Variants in EHMT2 observed in about 807,000 individuals in gnomAD.
EHMT2 encodes histone-lysine N-methyltransferase EHMT2.
Under a neutral mutation model 143.3 loss-of-function variants are expected in EHMT2, and 59 were observed. The ratio of observed to expected loss-of-function variants is 0.41; its 90% CI spans 0.33 to 0.51. The LOEUF is 0.51. Among genes scored for constraint, EHMT2 ranks in the 20% least tolerant of loss-of-function variants. The probability of loss-of-function intolerance (pLI) is 0.18; values close to 1 mark genes in which losing one functional copy is unlikely to be tolerated. For synonymous variants in EHMT2, 604 were observed against 651.5 expected, an observed-to-expected ratio of 0.93 and a Z score of 1.11; for missense variants, 1,174 against 1,645.9, an observed-to-expected ratio of 0.71 and a Z score of 4.96.
rs546920767 is a variant in EHMT2 at position 31,886,706 on chromosome 6, G to A, written c.2242-24C>T. On this transcript the variant is annotated intron_variant, in intron 17 of 27. Coordinates refer to ENST00000375537, the Ensembl canonical transcript of EHMT2. ...TCCTGAGGGAGACACGGGCAAATGA[G>A]CCTTTGGGCTGGCACCCCAAACCTG... is the stretch of plus-strand genomic sequence containing the variant. 70 of 1,613,990 alleles carry A rather than the reference G, an allele frequency of 4.3e-5. 2 individuals are homozygous for A. The Middle Eastern group carries it at 1.2e-3, about 27-fold the overall frequency.
rs199922790 is a variant in EHMT2, at chr6:31,883,866, G to A, written c.2856C>T (p.Tyr952=). ...TGGACGTCTCGCAGTTCTCTGAGATGTACTTGTAATCCTCAGGGCAGGGCT... is the reference window on the plus strand; with the variant it reads ...TGGACGTCTCGCAGTTCTCTGAGATATACTTGTAATCCTCAGGGCAGGGCT... Residue 952 remains tyrosine, a synonymous_variant, in exon 22 of 28, where the codon TAC becomes TAT. Coordinates refer to ENST00000375537, the Ensembl canonical transcript of EHMT2. The surrounding 1 kb of genome is among the most constrained non-coding windows in gnomAD (Gnocchi z 5.6). 276 of 1,614,050 alleles carry A rather than the reference G, an allele frequency of 1.7e-4. 1 individual carries two copies. The East Asian group carries it at 5.3e-3, about 31-fold the overall frequency.
chr6:31,882,548 G>T, intron 25 of EHMT2, 151 bp downstream of exon 25: 2 of 769,620 alleles, frequency 2.6e-6, no homozygotes, highest in Non-Finnish European at 4.3e-6. Flanking sequence ...CTGCTCAGCT[G>T]CAGGAATAGG....
intron 14 of EHMT2, 22 bp from the exon 15 acceptor site, chr6:31,887,681 G>C (rs368874100): frequency 1.2e-6 from 2 of 1,611,138 alleles, no homozygotes; most frequent in South Asian, 1.1e-5. Flanking sequence ...GCACGGGAGC[G>C]GGGAGAGAAG....
At position 31,883,974 on chromosome 6, in the gene EHMT2, C is replaced by T. The variant is rs1487915097; in HGVS notation, c.2772-24G>A. Reference sequence around the variant, plus strand: ...CCCTGCAGAAGACGGGAAGAAGGGGCTGGGAAGCTGGAAAAGGGGGTGAGG... The same window carrying T: ...CCCTGCAGAAGACGGGAAGAAGGGGTTGGGAAGCTGGAAAAGGGGGTGAGG... On this transcript the variant is annotated intron_variant, in intron 21 of 27. Coordinates refer to ENST00000375537, the Ensembl canonical transcript of EHMT2. This position sits in a 1 kb window ranked among gnomAD's most constrained non-coding sequence, Gnocchi z 5.6. The T allele has an allele frequency of 1.2e-6, 2 of 1,609,288 alleles. No homozygotes were observed. The highest frequency in any genetic ancestry group is 1.7e-6 in the Non-Finnish European group (2 of 1,176,980).
At position 31,889,861 on chromosome 6, in the gene EHMT2, G is replaced by A. The variant is rs1361138307; in HGVS notation, c.865-259C>T. 2.0e-5 allele frequency among the ~76,000 whole-genome samples: 3 copies of A among 152,158 alleles called. No homozygotes were observed. The highest frequency in any genetic ancestry group is 7.2e-5 in the African/African-American group (3 of 41,430). Reference sequence around the variant, plus strand: ...GTTAAAAAACAAAAAGCAAGTACCAGAAGATAAACATACTTTGATACCCCT... The same window carrying A: ...GTTAAAAAACAAAAAGCAAGTACCAAAAGATAAACATACTTTGATACCCCT... On this transcript the variant is annotated intron_variant, in intron 7 of 27. Transcript: ENST00000375537. This position sits in a 1 kb window ranked among gnomAD's most constrained non-coding sequence, Gnocchi z 5.1.
chr6:31,880,120 C>T lies in EHMT2; in HGVS notation c.3597G>A (p.Leu1199=), dbSNP rs549933212. The stretch of plus-strand genomic sequence containing the variant: ...CAGGGGGCAGGGAGCCGAGCTCGGG[C>T]AGCAGCTCAGGGTGTGGGTCCAGGC... Residue 1199 remains leucine, a synonymous_variant, in exon 28 of 28, where the codon CTG becomes CTA. Transcript: ENST00000375537. This position sits in a 1 kb window ranked among gnomAD's most constrained non-coding sequence, Gnocchi z 6.6. 6.2e-7 allele frequency: 1 copy of T among 1,612,878 alleles called. No homozygotes were observed. Among genetic ancestry groups the T allele is most frequent in the Admixed American group, 1.7e-5 (1 of 60,008 alleles).
At position 31,880,467 on chromosome 6, in the gene EHMT2, C is replaced by T; in HGVS notation, c.3453-203G>A. On this transcript the variant is annotated intron_variant, in intron 27 of 27. Coordinates refer to ENST00000375537, the Ensembl canonical transcript of EHMT2. The surrounding 1 kb of genome is among the most constrained non-coding windows in gnomAD (Gnocchi z 6.6). ...TTTTAGAAATGCAGAATCCTGGGCC[C>T]CATCCCAAGCCTACTGATTCAAAAT... The T allele has an allele frequency of 1.2e-6, 1 of 824,046 alleles. No homozygotes were observed. Among genetic ancestry groups the T allele is most frequent in the Non-Finnish European group, 1.8e-6 (1 of 541,482 alleles). 51.0% of individuals were successfully genotyped at this position (824,046 alleles called of 1,614,324 possible). A position where few individuals can be genotyped will look rare whatever the true frequency, so the allele number is the denominator to read the frequency against.
chr6:31,897,304 G>C (rs1581977167), intron 1 of EHMT2: 1 of 586,376 alleles, frequency 1.7e-6, no homozygotes, highest in Non-Finnish European at 2.3e-6. Flanking sequence ...TTGTCCCCCA[G>C]GCCGCGGGGA....
intron 4 of EHMT2, chr6:31,895,463 T>C (rs1562518096): frequency 6.6e-6 from 1 of 152,136 alleles, no homozygotes; most frequent in Non-Finnish European, 1.5e-5. Context: ...CTGTTTTTTT[T>C]CAATATCTTC....
In EHMT2 at chr6:31,888,980, G is replaced by C; in HGVS notation, c.1205C>G (p.Pro402Arg). The C allele has an allele frequency of 1.9e-6, 3 of 1,599,756 alleles. No homozygotes were observed. Among genetic ancestry groups the C allele is most frequent in the Non-Finnish European group, 1.7e-6 (2 of 1,175,172 alleles). Residue 402 changes from proline to arginine, a missense_variant, in exon 10 of 28, where the codon CCC (proline) becomes CGC (arginine). Around this residue, in one of 6 missense-constraint regions of EHMT2, gnomAD observed 608 missense variants for 903.7 expected, o/e 0.67. Transcript: ENST00000375537. This position sits in a 1 kb window ranked among gnomAD's most constrained non-coding sequence, Gnocchi z 7.4. ...CAATTGGCAATTACCAGCGTGGTTG[G>C]GGGAGAGGGTCCCCTCGCTGGGCAG...
At chr6:31,886,807 T>G in exon 17 of EHMT2, 1 of 1,614,246 alleles carries the variant, frequency 6.2e-7, no homozygotes, top group Non-Finnish European at 8.5e-7. Context: ...CGCTGCACCA[T>G]GTAACGGGCT....
In EHMT2 at chr6:31,889,703, G is replaced by A; in HGVS notation, c.865-101C>T. On this transcript the variant is annotated intron_variant, in intron 7 of 27. Transcript: ENST00000375537. This position sits in a 1 kb window ranked among gnomAD's most constrained non-coding sequence, Gnocchi z 5.1. ...CCATTGCCCCCCGCCACTACCCACGGATGGCTGCTGGGGATAAGTGTGGGT... is the reference window on the plus strand; with the variant it reads ...CCATTGCCCCCCGCCACTACCCACGAATGGCTGCTGGGGATAAGTGTGGGT... 6.9e-7 allele frequency: 1 copy of A among 1,458,710 alleles called. No homozygotes were observed. The highest frequency in any genetic ancestry group is 9.4e-7 in the Non-Finnish European group (1 of 1,058,810). The allele number at this position is 1,458,710 out of a possible 1,614,324, so 90.4% of individuals were successfully genotyped here.
chr6:31,881,240 G>C lies in EHMT2; in HGVS notation c.3198-148C>G. On this transcript the variant is annotated intron_variant, in intron 25 of 27. Transcript: ENST00000375537. The surrounding 1 kb of genome is among the most constrained non-coding windows in gnomAD (Gnocchi z 4.8). ...GGGAAGGCCTGGAGCAGCAGTGGTG[G>C]GCAAGTGAAAGGGCAGCATTCCAGC... 1 of 720,462 alleles carries C rather than the reference G, an allele frequency of 1.4e-6. No individual in the cohort carries two copies. The highest frequency in any genetic ancestry group is 2.0e-5 in the Admixed American group (1 of 49,188). 44.6% of individuals were successfully genotyped at this position (720,462 alleles called of 1,614,324 possible). A position where few individuals can be genotyped will look rare whatever the true frequency, so the allele number is the denominator to read the frequency against.
chr6:31,883,158 T>C lies in EHMT2; in HGVS notation c.2995-149A>G. 2.3e-6 allele frequency: 2 copies of C among 858,692 alleles called. No homozygotes were observed. The highest frequency in any genetic ancestry group is 3.7e-6 in the Non-Finnish European group (2 of 535,002). The allele number at this position is 858,692 out of a possible 1,614,324, so 53.2% of individuals were successfully genotyped here. On this transcript the variant is annotated intron_variant, in intron 23 of 27. Coordinates refer to ENST00000375537, the Ensembl canonical transcript of EHMT2. This position sits in a 1 kb window ranked among gnomAD's most constrained non-coding sequence, Gnocchi z 5.6. ...TCCGAGAGCACGAAATGCAGGAGCA[T>C]CATCCCTGGTTTGCATAGACCTGGG...
In EHMT2 at chr6:31,881,104, G is replaced by C. The variant is rs1312786675; in HGVS notation, c.3198-12C>G. 1.2e-6 allele frequency: 2 copies of C among 1,611,760 alleles called. No homozygotes were observed. The highest frequency in any genetic ancestry group is 1.7e-6 in the Non-Finnish European group (2 of 1,178,956). On this transcript the variant is annotated splice_polypyrimidine_tract_variant and intron_variant, in intron 25 of 27. Transcript: ENST00000375537. The surrounding 1 kb of genome is among the most constrained non-coding windows in gnomAD (Gnocchi z 4.8). ...GCTCCCCGACATACCTGTGGGACAG[G>C]AATCCATGGTTCTGAAGGTGAGTGT...
intron 7 of EHMT2, among the ~76,000 whole-genome samples, chr6:31,890,535 G>A (rs1765546949): frequency 6.8e-6 from 1 of 146,834 alleles, no homozygotes; most frequent in East Asian, 2.2e-4. Context: ...ACAGGCGTGA[G>A]CCACCACGCC....
In EHMT2 at chr6:31,888,331, C is replaced by A; in HGVS notation, c.1509+32G>T. On this transcript the variant is annotated intron_variant, in intron 12 of 27. Transcript: ENST00000375537. This position sits in a 1 kb window ranked among gnomAD's most constrained non-coding sequence, Gnocchi z 7.4. ...TACTGGGGCCCCCTCTGCCACAGGG[C>A]ATGCTACCTGTCTGCCCCACTGGTC... The A allele has an allele frequency of 1.2e-6, 2 of 1,611,590 alleles. No homozygotes were observed. Among genetic ancestry groups the A allele is most frequent in the Non-Finnish European group, 1.7e-6 (2 of 1,179,166 alleles).
chr6:31,893,323 G>T (rs772925891), intron 4 of EHMT2: 2 of 444,374 alleles, frequency 4.5e-6, no homozygotes, highest in South Asian at 1.7e-5. Context: ...AAAAAGGAAA[G>T]ATATACTTTT....
In EHMT2 at chr6:31,880,311, A is replaced by G; in HGVS notation, c.3453-47T>C. The G allele has an allele frequency of 6.3e-7, 1 of 1,589,770 alleles. No homozygotes were observed. Among genetic ancestry groups the G allele is most frequent in the South Asian group, 1.1e-5 (1 of 89,756 alleles). On this transcript the variant is annotated intron_variant, in intron 27 of 27. Transcript: ENST00000375537. The surrounding 1 kb of genome is among the most constrained non-coding windows in gnomAD (Gnocchi z 6.6). ...TTGTGGGACCTGGACCCAGCCACCAAGAGCCCACCCCGAAGACCCTGTGGA... is the reference window on the plus strand; with the variant it reads ...TTGTGGGACCTGGACCCAGCCACCAGGAGCCCACCCCGAAGACCCTGTGGA...
Sources: gnomAD v4.1 joint callset for allele counts (sites outside exome capture counted in the v4.1 genomes callset) on GRCh38, gnomAD v4.1.1 for gene constraint, gnomAD v4.1.1 regional missense constraint, Gnocchi (gnomAD v3.1) non-coding constraint, MANE v1.5 for transcripts, NCBI Gene and HGNC (gene_info 2026-07-23, HGNC 2026-07-21) for gene names.